The following ADGRL3 variants were observed in gnomAD, a reference collection of about 807,000 sequenced individuals.
The protein encoded by ADGRL3 is adhesion G protein-coupled receptor L3.
In ADGRL3, 62 loss-of-function variants were observed where a neutral mutation model predicts 153.5. That is an observed-to-expected ratio of 0.40 (90% confidence interval 0.33 to 0.50). The LOEUF (loss-of-function observed/expected upper bound fraction) is 0.50, where lower values mean the gene tolerates loss of function less well. Ranked by LOEUF, ADGRL3 falls within the 20% of genes least tolerant of loss-of-function variation. The probability of loss-of-function intolerance (pLI) is 0.47; values close to 1 mark genes in which losing one functional copy is unlikely to be tolerated. For missense variants in ADGRL3, 1,641 were observed against 1,859.4 expected, an observed-to-expected ratio of 0.88 and a Z score of 2.16; for synonymous variants, 710 against 672.5, an observed-to-expected ratio of 1.06 and a Z score of -0.86.
intron 8 of ADGRL3, among the ~76,000 whole-genome samples, chr4:61,745,780 G>T (rs1375515801): frequency 6.6e-6 from 1 of 152,162 alleles, no homozygotes; most frequent in African/African-American, 2.4e-5. Context: ...GACCATCGAG[G>T]CTAGGAATAA....
In ADGRL3 at chr4:61,752,701, G is replaced by A. The variant is rs113064933; in HGVS notation, c.1399+19147G>A. Reference sequence around the variant, plus strand: ...TAATGCCAGCACTTTGGGAGGCTGAGGTAGGTGGATTGCTTGAGCCCAGGA... The same window carrying A: ...TAATGCCAGCACTTTGGGAGGCTGAAGTAGGTGGATTGCTTGAGCCCAGGA... On this transcript the variant is annotated intron_variant, in intron 8 of 26. Transcript: ENST00000683033. 6.6e-5 allele frequency among the ~76,000 whole-genome samples: 10 copies of A among 152,312 alleles called. 1 individual carries two copies. Among genetic ancestry groups the A allele is most frequent in the African/African-American group, 2.2e-4 (9 of 41,580 alleles).
At position 61,202,694 on chromosome 4, in the gene ADGRL3, C is replaced by T. The variant is rs1735311093; in HGVS notation, c.-240+929C>T. On this transcript the variant is annotated intron_variant, in intron 1 of 26. Transcript: ENST00000683033. This position sits in a 1 kb window ranked among gnomAD's most constrained non-coding sequence, Gnocchi z 5.0. ...AGCTGCCGCGACCCAGCCTCCGGTC[C>T]CACGTCGGAGCTCAGAAGCTTAGGG... Among the ~76,000 whole-genome samples, 1 of 152,136 alleles carries T rather than the reference C, an allele frequency of 6.6e-6. No homozygotes were observed. The highest frequency in any genetic ancestry group is 1.5e-5 in the Non-Finnish European group (1 of 68,030).
chr4:61,777,779 C>G (rs953123004), intron 8 of ADGRL3, among the ~76,000 whole-genome samples: 2 of 152,012 alleles, frequency 1.3e-5, no homozygotes, highest in African/African-American at 4.8e-5. Flanking sequence ...TATTTATTTG[C>G]TAAGGAAGAA....
At chr4:61,878,834 AAG>A (rs764692897) in intron 9 of ADGRL3, among the ~76,000 whole-genome samples, 4 of 152,152 alleles carry the variant, frequency 2.6e-5, no homozygotes, top group Non-Finnish European at 4.4e-5. Flanking sequence ...CCCTTGTGTG[AAG>A]ATCAGTCTAT....
At chr4:61,509,124 C>CT (rs57550950) in intron 3 of ADGRL3, among the ~76,000 whole-genome samples, 2,696 of 118,566 alleles carry the variant, frequency 0.023, 135 homozygotes, top group African/African-American at 0.074. Context: ...CATATCACAT[C>CT]TTTTTTTTTT....
At chr4:61,317,853 A>G (rs1046825828) in intron 1 of ADGRL3, among the ~76,000 whole-genome samples, 2 of 152,176 alleles carry the variant, frequency 1.3e-5, no homozygotes, top group African/African-American at 4.8e-5. Context: ...AACTTACAAG[A>G]CAACTATTAT....
chr4:62,052,632 G>A (rs1450449088), intron 25 of ADGRL3, among the ~76,000 whole-genome samples: 1 of 151,232 alleles, frequency 6.6e-6, no homozygotes, highest in Non-Finnish European at 1.5e-5. Flanking sequence ...TTTCCTGGAA[G>A]CTTTCAAAGT....
At chr4:61,782,499 A>T (rs2097225172) in intron 8 of ADGRL3, among the ~76,000 whole-genome samples, 1 of 152,182 alleles carries the variant, frequency 6.6e-6, no homozygotes, top group African/African-American at 2.4e-5. Context: ...TCCACAGATA[A>T]ACATAATAAA....
intron 2 of ADGRL3, among the ~76,000 whole-genome samples, chr4:61,492,347 C>A (rs1049253230): frequency 8.5e-5 from 13 of 152,064 alleles, no homozygotes; most frequent in Non-Finnish European, 1.8e-4. Flanking sequence ...GATATAGTTT[C>A]TTGTCTATGA....
intron 12 of ADGRL3, among the ~76,000 whole-genome samples, chr4:61,910,230 T>G (rs958730003): frequency 2.6e-5 from 4 of 151,920 alleles, no homozygotes; most frequent in Non-Finnish European, 5.9e-5. Flanking sequence ...TAATTTATCC[T>G]AATTAATAAA....
intron 8 of ADGRL3, chr4:61,775,551 CT>C: frequency 1.2e-6 from 1 of 811,700 alleles, no homozygotes; most frequent in Non-Finnish European, 2.2e-6. Flanking sequence ...CTTTATGAGG[CT>C]TCCCCTCTCT....
chr4:61,991,907 A>G (rs566839849), intron 19 of ADGRL3, among the ~76,000 whole-genome samples: 3 of 146,700 alleles, frequency 2.0e-5, no homozygotes, highest in East Asian at 3.9e-4. Flanking sequence ...AAATACATTT[A>G]TATATAAATA....
At chr4:61,685,114 C>T (rs2151034317) in intron 6 of ADGRL3, among the ~76,000 whole-genome samples, 1 of 152,038 alleles carries the variant, frequency 6.6e-6, no homozygotes, top group Non-Finnish European at 1.5e-5. Context: ...ACAGGGGTCT[C>T]ACTATGTTGC....
intron 2 of ADGRL3, among the ~76,000 whole-genome samples, chr4:61,463,347 T>C (rs2097845680): frequency 6.6e-6 from 1 of 152,042 alleles, no homozygotes; most frequent in South Asian, 2.1e-4. Context: ...TCAGGAAACT[T>C]AACAATCATG....
rs2095829648 is a variant in ADGRL3, at chr4:61,704,866, T to C, written c.584-25756T>C. Among the ~76,000 whole-genome samples the C allele has an allele frequency of 2.0e-5, 3 of 152,242 alleles. No individual in the cohort carries two copies. The South Asian group carries it at 6.2e-4, about 32-fold the overall frequency. On this transcript the variant is annotated intron_variant, in intron 6 of 26. Coordinates refer to ENST00000683033, the MANE Select transcript of ADGRL3 (RefSeq NM_001387552.1). ...TTGCTCATTCATAGGTAGCAGCTTCTCATTGTTTAAGCTTTATCAGGAGAT... is the reference window on the plus strand; with the variant it reads ...TTGCTCATTCATAGGTAGCAGCTTCCCATTGTTTAAGCTTTATCAGGAGAT...
chr4:61,901,146 T>C (rs1210428133), intron 11 of ADGRL3, among the ~76,000 whole-genome samples: 1 of 152,218 alleles, frequency 6.6e-6, no homozygotes, highest in Non-Finnish European at 1.5e-5. Flanking sequence ...CTCTGTTACA[T>C]GATTCCACTA....
intron 8 of ADGRL3, 101 bp downstream of exon 8, chr4:61,733,655 G>A: frequency 1.2e-6 from 1 of 858,468 alleles, no homozygotes; most frequent in Admixed American, 2.8e-5. Flanking sequence ...TGGTATTCTG[G>A]CCTGTGTACC....
At chr4:61,537,115 G>C (rs914999623) in intron 4 of ADGRL3, among the ~76,000 whole-genome samples, 8 of 151,164 alleles carry the variant, frequency 5.3e-5, no homozygotes, top group African/African-American at 1.5e-4. Context: ...GTCTGGGAAA[G>C]ACTTTATCTC....
At position 61,204,111 on chromosome 4, in the gene ADGRL3, A is replaced by G. The variant is rs1410945622; in HGVS notation, c.-240+2346A>G. Among the ~76,000 whole-genome samples the G allele has an allele frequency of 3.3e-5, 5 of 152,222 alleles. No individual in the cohort carries two copies. In the East Asian group the frequency reaches 9.6e-4, roughly 29 times the overall value. ...TGCTCTATTTTGTTTTAAAAAGTAT[A>G]GGGCTGTTAATGGAACAGTGTACTT... On this transcript the variant is annotated intron_variant, in intron 1 of 26. Coordinates refer to ENST00000683033, the MANE Select transcript of ADGRL3 (RefSeq NM_001387552.1).
Sources: gnomAD v4.1 joint callset for allele counts (sites outside exome capture counted in the v4.1 genomes callset) on GRCh38, gnomAD v4.1.1 for gene constraint, Gnocchi (gnomAD v3.1) non-coding constraint, MANE v1.5 for transcripts, NCBI Gene and HGNC (gene_info 2026-07-23, HGNC 2026-07-21) for gene names.